Variants in CCDC82 observed in about 807,000 individuals in gnomAD.
The protein encoded by CCDC82 is coiled-coil domain-containing protein 82.
In CCDC82, 47 loss-of-function variants were observed where a neutral mutation model predicts 60.6. The ratio of observed to expected loss-of-function variants is 0.77; its 90% CI spans 0.61 to 0.99. CCDC82 has a LOEUF of 0.99. Ranked by LOEUF, CCDC82 falls within the 50% of genes least tolerant of loss-of-function variation. The probability of loss-of-function intolerance (pLI) is 0.00; values close to 1 mark genes in which losing one functional copy is unlikely to be tolerated. For synonymous variants in CCDC82, 212 were observed against 207.4 expected, an observed-to-expected ratio of 1.02 and a Z score of -0.19; for missense variants, 588 against 633.0, an observed-to-expected ratio of 0.93 and a Z score of 0.76.
At position 96,353,611 on chromosome 11, in the gene CCDC82, C is replaced by A. The variant is rs1421767177; in HGVS notation, c.*35G>T. 6 of 1,444,646 alleles carry A rather than the reference C, an allele frequency of 4.2e-6. No individual in the cohort carries two copies. The African/African-American group carries it at 8.4e-5, about 20-fold the overall frequency. The allele number at this position is 1,444,646 out of a possible 1,614,324, so 89.5% of individuals were successfully genotyped here. The stretch of plus-strand genomic sequence containing the variant: ...ACAAGAATCATGATCTTCACATTTA[C>A]AGGAATTTAAAAAATCTTCTCTGAT... On this transcript the variant is annotated 3_prime_UTR_variant, in exon 10 of 10. Transcript: ENST00000646818.
rs560394584 is a variant in CCDC82 at position 96,356,389 on chromosome 11, C to T, written c.1566+2604G>A. 70 of 937,766 alleles carry T rather than the reference C, an allele frequency of 7.5e-5. No individual in the cohort carries two copies. In the South Asian group the frequency reaches 2.2e-3, roughly 30 times the overall value. 58.1% of individuals were successfully genotyped at this position (937,766 alleles called of 1,614,324 possible). On this transcript the variant is annotated intron_variant, in intron 9 of 9. Transcript: ENST00000646818. ...TATCAGTGCATTTAAAATTTACATA[C>T]AACTGTCACTTGTAACAGTTTTACA...
chr11:96,378,948 T>C (rs1341481657), intron 5 of CCDC82, among the ~76,000 whole-genome samples: 1 of 151,970 alleles, frequency 6.6e-6, no homozygotes, highest in Non-Finnish European at 1.5e-5. Context: ...GATAGGAAAT[T>C]ACAAAATGTC....
rs547787003 is a variant in CCDC82 at position 96,357,008 on chromosome 11, T to C, written c.1566+1985A>G. 13 of 985,438 alleles carry C rather than the reference T, an allele frequency of 1.3e-5. No individual in the cohort carries two copies. In the East Asian group the frequency reaches 6.8e-4, roughly 52 times the overall value. The allele number at this position is 985,438 out of a possible 1,614,324, so 61.0% of individuals were successfully genotyped here. Reference sequence around the variant, plus strand: ...AAGTGCCATGGAGACGGCATTCAAGTAACACTGAGCCCCAGGCATTCTAAA... The same window carrying C: ...AAGTGCCATGGAGACGGCATTCAAGCAACACTGAGCCCCAGGCATTCTAAA... On this transcript the variant is annotated intron_variant, in intron 9 of 9. Transcript: ENST00000646818.
At chr11:96,358,282 C>A in intron 9 of CCDC82, 1 of 1,124,978 alleles carries the variant, frequency 8.9e-7, no homozygotes, top group Non-Finnish European at 1.1e-6. Flanking sequence ...AGACTGCAGT[C>A]GTATTAGCAT....
At chr11:96,369,841 C>A (rs1204928564) in intron 7 of CCDC82, among the ~76,000 whole-genome samples, 1 of 152,142 alleles carries the variant, frequency 6.6e-6, no homozygotes, top group African/African-American at 2.4e-5. Flanking sequence ...AAGTGGAATG[C>A]AACAAAACGA....
Position 96,373,443 on chromosome 11 carries a change from T to C in CCDC82, c.1016A>G (p.His339Arg), listed in dbSNP as rs769534077. 6 of 1,604,390 alleles carry C rather than the reference T, an allele frequency of 3.7e-6. No individual in the cohort carries two copies. The South Asian group carries it at 6.6e-5, about 18-fold the overall frequency. Residue 339 changes from histidine (H) to arginine (R), a missense_variant, in exon 6 of 10, where the codon CAT becomes CGT. Physicochemically the swap from His to Arg is conservative, Grantham distance 29. Transcript: ENST00000646818. ...SLYSFSDHYT[H>R]FERVVKALLI... ...AAGAGCCTTCACAACTCTTTCAAAA[T>C]GAGTATAGTGGTCACTAAAAGAATC...
Position 96,373,428 on chromosome 11 carries a change from A to G in CCDC82, c.1031T>C (p.Val344Ala). ...SDHYTHFERV[V>A]KALLINALDE... ...TAAAGCGTTGATCAGAAGAGCCTTC[A>G]CAACTCTTTCAAAATGAGTATAGTG... Residue 344 changes from valine (V) to alanine (A), a missense_variant, in exon 6 of 10, where the codon GTG becomes GCG. Transcript: ENST00000646818. 1 of 1,610,622 alleles carries G rather than the reference A, an allele frequency of 6.2e-7. No individual in the cohort carries two copies. The highest frequency in any genetic ancestry group is 8.5e-7 in the Non-Finnish European group (1 of 1,177,550).
chr11:96,358,904 T>C (rs927942580), intron 9 of CCDC82, 89 bp downstream of exon 9: 4 of 1,180,314 alleles, frequency 3.4e-6, no homozygotes, highest in Non-Finnish European at 3.6e-6. Context: ...TCTCTTAAAT[T>C]TCACTATCTT....
intron 5 of CCDC82, among the ~76,000 whole-genome samples, chr11:96,376,430 C>CTT (rs1291548577): frequency 3.8e-4 from 53 of 140,832 alleles, no homozygotes; most frequent in Admixed American, 9.3e-4. Flanking sequence ...CCGTGCTTTT[C>CTT]TTTTTTTTTT....
At position 96,383,310 on chromosome 11, in the gene CCDC82, A is replaced by C; in HGVS notation, c.950T>G (p.Leu317Trp). The C allele has an allele frequency of 1.2e-6, 2 of 1,606,588 alleles. No individual in the cohort carries two copies. Among genetic ancestry groups the C allele is most frequent in the Non-Finnish European group, 1.7e-6 (2 of 1,174,340 alleles). ...EENKNQQGEK[L>W]TTSQLKLVKQ... Reference sequence around the variant, plus strand: ...TACTAATTTCAGTTGTGATGTAGTCAATTTTTCTCCTTGTTGGTTTTTATT... The same window carrying C: ...TACTAATTTCAGTTGTGATGTAGTCCATTTTTCTCCTTGTTGGTTTTTATT... Residue 317 changes from leucine to tryptophan, a missense_variant, in exon 5 of 10, where the codon TTG (leucine) becomes TGG (tryptophan). Leu to Trp is a moderately conservative substitution (Grantham distance 61). Coordinates refer to ENST00000646818, the MANE Select transcript of CCDC82 (RefSeq NM_024725.4).
At chr11:96,367,055 A>G (rs1864988958) in intron 7 of CCDC82, among the ~76,000 whole-genome samples, 1 of 152,224 alleles carries the variant, frequency 6.6e-6, no homozygotes, top group African/African-American at 2.4e-5. Context: ...GCTAACAATC[A>G]TCTGAACCTC....
intron 9 of CCDC82, chr11:96,356,157 G>A (rs1244919436): frequency 6.6e-6 from 1 of 152,094 alleles, no homozygotes; most frequent in Admixed American, 6.6e-5. Context: ...CTGGGATGAG[G>A]CTAGGGGATT....
chr11:96,366,248 T>C (rs1864940139), intron 7 of CCDC82, among the ~76,000 whole-genome samples: 1 of 152,238 alleles, frequency 6.6e-6, no homozygotes, highest in African/African-American at 2.4e-5. Context: ...ATAAACTTTG[T>C]TGGGTTAAGC....
chr11:96,373,375 C>A lies in CCDC82; in HGVS notation c.1084G>T (p.Asp362Tyr). ...LDESFLGTLYDGTRQKSYAKD... is the reference protein window; with the variant it reads ...LDESFLGTLYYGTRQKSYAKD... Reference sequence around the variant, plus strand: ...TGTTTCATTCATAGTATTAACTTACCATATAATGTTCCCAGAAAAGATTCA... The same window carrying A: ...TGTTTCATTCATAGTATTAACTTACAATATAATGTTCCCAGAAAAGATTCA... Residue 362 changes from aspartate (D) to tyrosine (Y), a missense_variant and splice_region_variant, in exon 6 of 10, where the codon GAT becomes TAT. Transcript: ENST00000646818. 1.3e-6 allele frequency: 2 copies of A among 1,567,252 alleles called. No individual in the cohort carries two copies. The highest frequency in any genetic ancestry group is 1.1e-5 in the South Asian group (1 of 88,116).
In CCDC82 at chr11:96,384,736, A is replaced by C. The variant is rs778608399; in HGVS notation, c.12T>G (p.Val4=). 41 of 1,591,482 alleles carry C rather than the reference A, an allele frequency of 2.6e-5. No homozygotes were observed. In the East Asian group the frequency reaches 9.2e-4, roughly 36 times the overall value. The part of the protein sequence containing the change: MIH[V]RRHETRRNSK... ...AATTTCTCCTTGTTTCATGTCTTCT[A>C]ACATGTATCATTTTCACTTAAGCTT... Residue 4 remains valine, a synonymous_variant, in exon 4 of 10, where the codon GTT becomes GTG. Transcript: ENST00000646818.
At chr11:96,358,857 G>A (rs948050668) in intron 9 of CCDC82, 136 bp downstream of exon 9, 6 of 891,016 alleles carry the variant, frequency 6.7e-6, no homozygotes, top group African/African-American at 3.4e-5. Context: ...AGGAATGAGC[G>A]GAAGAAGAGA....
At position 96,353,551 on chromosome 11, in the gene CCDC82, A is replaced by G; in HGVS notation, c.*95T>C. The G allele has an allele frequency of 3.1e-6, 3 of 974,996 alleles. No individual in the cohort carries two copies. The South Asian group carries it at 4.1e-5, about 13-fold the overall frequency. 60.4% of individuals were successfully genotyped at this position (974,996 alleles called of 1,614,324 possible). ...AAAATATTTTGCCATGAAGATATAG[A>G]TAAAATGTACAAACATGTCACATGA... is the stretch of plus-strand genomic sequence containing the variant. On this transcript the variant is annotated 3_prime_UTR_variant, in exon 10 of 10. Coordinates refer to ENST00000646818, the MANE Select transcript of CCDC82 (RefSeq NM_024725.4).
intron 7 of CCDC82, among the ~76,000 whole-genome samples, chr11:96,369,758 C>T (rs1235417055): frequency 8.5e-5 from 13 of 152,114 alleles, no homozygotes; most frequent in Admixed American, 7.9e-4. Context: ...AAAAATGGTG[C>T]CAACAGACTT....
intron 9 of CCDC82, chr11:96,358,431 G>A (rs1029374926): frequency 8.1e-7 from 1 of 1,228,870 alleles, no homozygotes; most frequent in African/African-American, 1.6e-5. Flanking sequence ...TGATCAATAG[G>A]ATATGGGGGA....
Sources: allele counts gnomAD v4.1 joint callset (sites outside exome capture counted in the v4.1 genomes callset), GRCh38; gene constraint gnomAD v4.1.1; transcripts MANE v1.5; gene names NCBI Gene and HGNC (gene_info 2026-07-23, HGNC 2026-07-21).